SLC22A23: variants seen among roughly 807,000 people sequenced by gnomAD.
SLC22A23 encodes ion transporter protein.
Under a neutral mutation model 61.0 loss-of-function variants are expected in SLC22A23, and 26 were observed. The observed-to-expected ratio is 0.43, with a 90% CI of 0.31 to 0.59. SLC22A23 has a LOEUF of 0.59. SLC22A23 is among the 20% of genes least tolerant of loss of function. SLC22A23 has a pLI of 0.11. For synonymous variants in SLC22A23, 430 were observed against 413.9 expected, an observed-to-expected ratio of 1.04 and a Z score of -0.47; for missense variants, 796 against 934.7, an observed-to-expected ratio of 0.85 and a Z score of 1.94.
rs925702491 is a variant in SLC22A23, at chr6:3,410,703, T to A, written c.759-361A>T. Among the ~76,000 whole-genome samples the A allele has an allele frequency of 2.0e-5, 3 of 152,098 alleles. No individual in the cohort carries two copies. Among genetic ancestry groups the A allele is most frequent in the African/African-American group, 4.8e-5 (2 of 41,396 alleles). On this transcript the variant is annotated intron_variant, in intron 2 of 9. Coordinates refer to ENST00000406686, the MANE Select transcript of SLC22A23 (RefSeq NM_015482.2). This position sits in a 1 kb window ranked among gnomAD's most constrained non-coding sequence, Gnocchi z 5.0. ...AACAGGAACCTTGATACACCCAGCA[T>A]AAAAAGTCTTGAGAAATCGTTGACC...
intron 3 of SLC22A23, among the ~76,000 whole-genome samples, chr6:3,335,128 A>G (rs1444694378): frequency 1.3e-5 from 2 of 152,220 alleles, no homozygotes; most frequent in East Asian, 1.9e-4. Flanking sequence ...TAATGGCACC[A>G]GCTAATGAAA....
At position 3,434,122 on chromosome 6, in the gene SLC22A23, T is replaced by C. The variant is rs200162017; in HGVS notation, c.655-18267A>G. Among the ~76,000 whole-genome samples, 52 of 152,278 alleles carry C rather than the reference T, an allele frequency of 3.4e-4. No individual in the cohort carries two copies. In the East Asian group the frequency reaches 9.5e-3, roughly 28 times the overall value. On this transcript the variant is annotated intron_variant, in intron 1 of 9. Transcript: ENST00000406686. ...TGGGGTCAGGAGTTCGAGACCAGCCTGACCAACATGGTGAAACCCCATCTC... is the reference window on the plus strand; with the variant it reads ...TGGGGTCAGGAGTTCGAGACCAGCCCGACCAACATGGTGAAACCCCATCTC...
At position 3,372,036 on chromosome 6, in the gene SLC22A23, C is replaced by G. The variant is rs1766251616; in HGVS notation, c.913+38152G>C. 6.6e-6 allele frequency among the ~76,000 whole-genome samples: 1 copy of G among 152,326 alleles called. No homozygotes were observed. Among genetic ancestry groups the G allele is most frequent in the African/African-American group, 2.4e-5 (1 of 41,564 alleles). On this transcript the variant is annotated intron_variant, in intron 3 of 9. Transcript: ENST00000406686. This position sits in a 1 kb window ranked among gnomAD's most constrained non-coding sequence, Gnocchi z 4.7. ...GACCATCCCAGGAGGTATGTACTCT[C>G]ATCATCCCTAATTTACAGATGAGGA...
chr6:3,294,869 C>T (rs985925064), intron 5 of SLC22A23, among the ~76,000 whole-genome samples: 6 of 152,198 alleles, frequency 3.9e-5, no homozygotes, highest in Non-Finnish European at 1.5e-5. Context: ...AATTTGAGAA[C>T]ATCAGGTTTT....
intron 4 of SLC22A23, 88 bp downstream of exon 4, chr6:3,323,746 G>T: frequency 7.0e-7 from 1 of 1,419,104 alleles, no homozygotes; most frequent in Non-Finnish European, 9.5e-7. Flanking sequence ...AGTGGGAAGT[G>T]TGGGGATTGT....
Position 3,304,232 on chromosome 6 carries a change from G to C in SLC22A23, c.1083-6014C>G, listed in dbSNP as rs899048763. ...GCCCAGTGGTGCAAGGGCAGACAGG[G>C]CTCTGAGACTCTGCCTGCTCCTCAG... On this transcript the variant is annotated intron_variant, in intron 4 of 9. Transcript: ENST00000406686. This position sits in a 1 kb window ranked among gnomAD's most constrained non-coding sequence, Gnocchi z 4.3. Among the ~76,000 whole-genome samples, 1 of 152,200 alleles carries C rather than the reference G, an allele frequency of 6.6e-6. No individual in the cohort carries two copies. Among genetic ancestry groups the C allele is most frequent in the Non-Finnish European group, 1.5e-5 (1 of 68,040 alleles).
At chr6:3,441,047 A>T (rs1006888105) in intron 1 of SLC22A23, among the ~76,000 whole-genome samples, 1 of 152,242 alleles carries the variant, frequency 6.6e-6, no homozygotes, top group African/African-American at 2.4e-5. Context: ...TGTAGGAGGC[A>T]GGAGCACTGG....
At chr6:3,349,724 A>C (rs1415084518) in intron 3 of SLC22A23, among the ~76,000 whole-genome samples, 2 of 152,232 alleles carry the variant, frequency 1.3e-5, no homozygotes, top group African/African-American at 4.8e-5. Flanking sequence ...GAGGTGGAAG[A>C]GCAGAGTGGA....
At chr6:3,440,284 T>A (rs1439400588) in intron 1 of SLC22A23, among the ~76,000 whole-genome samples, 1 of 152,124 alleles carries the variant, frequency 6.6e-6, no homozygotes, top group African/African-American at 2.4e-5. Context: ...AGCTCCAGCG[T>A]TGAAGCTGTA....
intron 3 of SLC22A23, among the ~76,000 whole-genome samples, chr6:3,337,549 T>C (rs1763927432): frequency 6.6e-6 from 1 of 152,000 alleles, no homozygotes; most frequent in Non-Finnish European, 1.5e-5. Flanking sequence ...TAAACGCAGT[T>C]AGCAAAAGGA....
chr6:3,299,502 C>CT (rs1439737450), intron 4 of SLC22A23, among the ~76,000 whole-genome samples: 1 of 152,174 alleles, frequency 6.6e-6, no homozygotes, highest in South Asian at 2.1e-4. Context: ...GCGACAGAAT[C>CT]TTTTTCTTTT....
chr6:3,445,183 C>A (rs140155879), intron 1 of SLC22A23, among the ~76,000 whole-genome samples: 235 of 152,268 alleles, frequency 1.5e-3, no homozygotes, highest in Non-Finnish European at 2.6e-3. Context: ...CAAGCCAGGC[C>A]TGCCACTCTT....
At position 3,386,752 on chromosome 6, in the gene SLC22A23, G is replaced by T. The variant is rs1023654490; in HGVS notation, c.913+23436C>A. Among the ~76,000 whole-genome samples, 3 of 152,214 alleles carry T rather than the reference G, an allele frequency of 2.0e-5. No homozygotes were observed. Among genetic ancestry groups the T allele is most frequent in the Non-Finnish European group, 4.4e-5 (3 of 68,040 alleles). On this transcript the variant is annotated intron_variant, in intron 3 of 9. Transcript: ENST00000406686. This position sits in a 1 kb window ranked among gnomAD's most constrained non-coding sequence, Gnocchi z 4.4. The stretch of plus-strand genomic sequence containing the variant: ...GGGGTGGAGGCGGCAGTGGGACTGG[G>T]TCTCCCACCCAGGGCACCACTGGAA...
intron 3 of SLC22A23, among the ~76,000 whole-genome samples, chr6:3,408,587 A>C (rs958122956): frequency 6.6e-6 from 1 of 152,172 alleles, no homozygotes; most frequent in Non-Finnish European, 1.5e-5. Context: ...GCTGAGCCCC[A>C]AAGTCTCCTC....
intron 9 of SLC22A23, among the ~76,000 whole-genome samples, chr6:3,280,512 T>TTTC (rs781526188): frequency 0.058 from 5,678 of 98,494 alleles, 485 homozygotes; most frequent in Middle Eastern, 0.12. Flanking sequence ...TTTTTTTTTT[T>TTTC]TGAGATGGAG....
chr6:3,297,565 C>T lies in SLC22A23; in HGVS notation c.1210+526G>A, dbSNP rs552360351. Among the ~76,000 whole-genome samples, 19 of 152,280 alleles carry T rather than the reference C, an allele frequency of 1.2e-4. No individual in the cohort carries two copies. Among genetic ancestry groups the T allele is most frequent in the Non-Finnish European group, 2.4e-4 (16 of 68,024 alleles). ...ACGTGGATCCCCAGGTTGAGAACCC[C>T]CACCTAGCTGTGGTAACGCTCCTGA... On this transcript the variant is annotated intron_variant, in intron 5 of 9. Coordinates refer to ENST00000406686, the MANE Select transcript of SLC22A23 (RefSeq NM_015482.2). This position sits in a 1 kb window ranked among gnomAD's most constrained non-coding sequence, Gnocchi z 4.3.
intron 1 of SLC22A23, among the ~76,000 whole-genome samples, chr6:3,424,623 A>G (rs1391973979): frequency 1.3e-5 from 2 of 152,220 alleles, no homozygotes; most frequent in Non-Finnish European, 1.5e-5. Context: ...CTGTTCTTAC[A>G]ATATATCATA....
rs1163276659 is a variant in SLC22A23, at chr6:3,269,828, T to TA, written c.*3226dup. ...GGCGGTGTGACCTCACAGGCCCACT[T>TA]ATGGCACTTGCAGTTTGGGATTGCT... On this transcript the variant is annotated 3_prime_UTR_variant, in exon 10 of 10. Transcript: ENST00000406686. 2 of 152,846 alleles carry TA rather than the reference T, an allele frequency of 1.3e-5. No individual in the cohort carries two copies. Among genetic ancestry groups the TA allele is most frequent in the South Asian group, 2.1e-4 (1 of 4,838 alleles). The allele number at this position is 152,846 out of a possible 1,614,324, so 9.5% of individuals were successfully genotyped here.
chr6:3,275,986 A>T (rs765107501), intron 9 of SLC22A23, among the ~76,000 whole-genome samples: 34 of 152,222 alleles, frequency 2.2e-4, no homozygotes, highest in Non-Finnish European at 4.3e-4. Flanking sequence ...GGCAGGGAGG[A>T]TGGGAGTCCC....
Sources: allele counts gnomAD v4.1 joint callset (sites outside exome capture counted in the v4.1 genomes callset), GRCh38; gene constraint gnomAD v4.1.1; non-coding constraint Gnocchi (gnomAD v3.1); transcripts MANE v1.5; gene names NCBI Gene and HGNC (gene_info 2026-07-23, HGNC 2026-07-21).